Variants in STAB2 observed in about 807,000 individuals in gnomAD.
STAB2 encodes stabilin-2.
In STAB2, 288 loss-of-function variants were observed where a neutral mutation model predicts 338.1. The ratio of observed to expected loss-of-function variants is 0.85; its 90% CI spans 0.77 to 0.94. The LOEUF (loss-of-function observed/expected upper bound fraction) is 0.94, where lower values mean the gene tolerates loss of function less well. STAB2 is among the 40% of genes least tolerant of loss of function. STAB2 has a pLI of 0.00. For missense variants in STAB2, 3,141 were observed against 3,210.1 expected, an observed-to-expected ratio of 0.98 and a Z score of 0.52; for synonymous variants, 1,202 against 1,193.3, an observed-to-expected ratio of 1.01 and a Z score of -0.15.
chr12:103,666,426 C>A, intron 19 of STAB2, 73 bp downstream of exon 19: 1 of 1,482,300 alleles, frequency 6.7e-7, no homozygotes, highest in East Asian at 2.3e-5. Context: ...AACCTATCTA[C>A]CTTCCTTCTT....
intron 22 of STAB2, among the ~76,000 whole-genome samples, chr12:103,673,337 T>G (rs1020045987): frequency 1.3e-5 from 2 of 151,882 alleles, no homozygotes; most frequent in Admixed American, 1.3e-4. Flanking sequence ...AGTTCTTTTT[T>G]CTTTTTTTTT....
chr12:103,750,830 C>G (rs1322571226), intron 60 of STAB2, 110 bp downstream of exon 60: 1 of 1,393,862 alleles, frequency 7.2e-7, no homozygotes, highest in Admixed American at 2.7e-5. Context: ...GTGGCTCAAG[C>G]CTGTAATCCC....
Position 103,725,068 on chromosome 12 carries a change from T to G in STAB2, c.4777T>G (p.Phe1593Val). 6.2e-7 allele frequency: 1 copy of G among 1,613,354 alleles called. No individual in the cohort carries two copies. The highest frequency in any genetic ancestry group is 8.5e-7 in the Non-Finnish European group (1 of 1,179,324). ...TCKPNYIGDG[F>V]TCRGSIYQEL... ...CAAGCCAAACTACATTGGAGATGGATTTACCTGCCGCGGCAGCATTTATCA... is the reference window on the plus strand; with the variant it reads ...CAAGCCAAACTACATTGGAGATGGAGTTACCTGCCGCGGCAGCATTTATCA... The change falls in exon 45 of 69, where the codon TTT (phenylalanine) becomes GTT (valine). Residue 1593 changes from phenylalanine (F) to valine (V), a missense_variant. Transcript: ENST00000388887.
At chr12:103,611,622 T>C (rs1957124289) in intron 3 of STAB2, among the ~76,000 whole-genome samples, 1 of 152,236 alleles carries the variant, frequency 6.6e-6, no homozygotes, top group Non-Finnish European at 1.5e-5. Context: ...AGCACACTGA[T>C]GGGTCTTGAC....
At chr12:103,676,160 C>CT in intron 24 of STAB2, 139 bp downstream of exon 24, 1 of 529,420 alleles carries the variant, frequency 1.9e-6, no homozygotes, top group Non-Finnish European at 3.1e-6. Context: ...CTCCCGGATT[C>CT]AAGCGATTCT....
At chr12:103,702,165 A>G (rs1272120095) in intron 34 of STAB2, among the ~76,000 whole-genome samples, 1 of 150,816 alleles carries the variant, frequency 6.6e-6, no homozygotes, top group Non-Finnish European at 1.5e-5. Context: ...ATCAAAACAA[A>G]TTGCAACTCA....
intron 55 of STAB2, among the ~76,000 whole-genome samples, chr12:103,741,854 T>C (rs866627886): frequency 4.6e-5 from 7 of 152,202 alleles, no homozygotes; most frequent in African/African-American, 1.7e-4. Context: ...TGATTTTTAC[T>C]AGCATGCATA....
rs142064323 is a variant in STAB2 at position 103,727,276 on chromosome 12, G to A, written c.4861G>A (p.Val1621Met). The A allele has an allele frequency of 1.3e-5, 21 of 1,614,106 alleles. No individual in the cohort carries two copies. Among genetic ancestry groups the A allele is most frequent in the South Asian group, 5.5e-5 (5 of 91,088 alleles). The change falls in exon 47 of 69, where the codon GTG becomes ATG. Residue 1621 changes from valine to methionine, a missense_variant. Coordinates refer to ENST00000388887, the MANE Select transcript of STAB2 (RefSeq NM_017564.10). ...ACCTTTCTTCCCACAGGAGCATTTC[G>A]TGAAAGATCTGGTCGGCCCAGGCCC... is the stretch of plus-strand genomic sequence containing the variant. ...QYFFQLQEHF[V>M]KDLVGPGPFT...
intron 58 of STAB2, among the ~76,000 whole-genome samples, chr12:103,747,629 A>G (rs535362224): frequency 2.0e-5 from 3 of 152,302 alleles, no homozygotes; most frequent in South Asian, 2.1e-4. Flanking sequence ...ATGCCTAGCT[A>G]CAAGGGAACC....
chr12:103,633,997 C>T (rs1403826508), intron 6 of STAB2, among the ~76,000 whole-genome samples: 1 of 152,064 alleles, frequency 6.6e-6, no homozygotes, highest in Non-Finnish European at 1.5e-5. Context: ...CAAAGGTAAG[C>T]ATATATGATC....
At chr12:103,593,758 T>G (rs1367715766) in intron 2 of STAB2, among the ~76,000 whole-genome samples, 3 of 152,198 alleles carry the variant, frequency 2.0e-5, no homozygotes, top group Non-Finnish European at 1.5e-5. Flanking sequence ...ATACACTAAG[T>G]CTAATCCTAG....
chr12:103,673,216 A>T (rs1875984435), intron 22 of STAB2, among the ~76,000 whole-genome samples: 2 of 152,146 alleles, frequency 1.3e-5, no homozygotes. Flanking sequence ...AAGGTGAGAA[A>T]TTTCCAGGCT....
At chr12:103,755,041 T>C (rs989531473) in intron 61 of STAB2, 1 of 447,316 alleles carries the variant, frequency 2.2e-6, no homozygotes, top group Non-Finnish European at 4.0e-6. Flanking sequence ...CAGCAAATTC[T>C]TTCTCAAGAG....
In STAB2 at chr12:103,638,136, C is replaced by T; in HGVS notation, c.830C>T (p.Pro277Leu). The T allele has an allele frequency of 6.2e-7, 1 of 1,614,210 alleles. No homozygotes were observed. Among genetic ancestry groups the T allele is most frequent in the Non-Finnish European group, 8.5e-7 (1 of 1,180,042 alleles). Residue 277 changes from proline to leucine, a missense_variant, in exon 8 of 69, where the codon CCT becomes CTT. Transcript: ENST00000388887. ...GYRGDGQVCL[P>L]VDPCQINFGN... is the part of the protein sequence containing the mutation. ...CGTGGGGATGGCCAAGTGTGCTTGC[C>T]TGTGGACCCCTGCCAAATTAACTTT...
At position 103,685,183 on chromosome 12, in the gene STAB2, G is replaced by T. The variant is rs919742646; in HGVS notation, c.2997+99G>T. The T allele has an allele frequency of 3.5e-6, 4 of 1,145,576 alleles. No homozygotes were observed. The African/African-American group carries it at 6.2e-5, about 18-fold the overall frequency. 71.0% of individuals were successfully genotyped at this position (1,145,576 alleles called of 1,614,324 possible). On this transcript the variant is annotated intron_variant, in intron 27 of 68. Transcript: ENST00000388887. Reference sequence around the variant, plus strand: ...GTGATCTATTGACATATCTTTTGCTGCAGGAGATTTTACATGAAGCAAGCT... The same window carrying T: ...GTGATCTATTGACATATCTTTTGCTTCAGGAGATTTTACATGAAGCAAGCT...
intron 6 of STAB2, among the ~76,000 whole-genome samples, chr12:103,635,752 T>C (rs1957535246): frequency 6.6e-6 from 1 of 152,224 alleles, no homozygotes; most frequent in Non-Finnish European, 1.5e-5. Context: ...GAGAGGTGGC[T>C]TCTTAGCTGC....
rs746896380 is a variant in STAB2, at chr12:103,695,779, A to G, written c.3517A>G (p.Thr1173Ala). 3.5e-5 allele frequency: 56 copies of G among 1,614,200 alleles called. No homozygotes were observed. Among genetic ancestry groups the G allele is most frequent in the Non-Finnish European group, 4.6e-5 (54 of 1,180,034 alleles). Reference protein sequence around the residue: ...ANAIEAADAYTVFAPNNNAIE... With the variant: ...ANAIEAADAYAVFAPNNNAIE... ...TGCAATTGAGGCTGCCGATGCCTAC[A>G]CAGTGTTTGCTCCAAACAACAATGC... is the stretch of plus-strand genomic sequence containing the variant. Residue 1173 changes from threonine (T) to alanine (A), a missense_variant, in exon 33 of 69, where the codon ACA becomes GCA. By Grantham distance (58) the Thr-to-Ala change is moderately conservative. Coordinates refer to ENST00000388887, the MANE Select transcript of STAB2 (RefSeq NM_017564.10).
At chr12:103,721,199 CAG>C (rs1244378453) in intron 44 of STAB2, among the ~76,000 whole-genome samples, 1 of 152,174 alleles carries the variant, frequency 6.6e-6, no homozygotes, top group East Asian at 1.9e-4. Context: ...GTTGATGGAA[CAG>C]AGACTGGGTG....
chr12:103,724,587 A>G (rs1881032360), intron 44 of STAB2, among the ~76,000 whole-genome samples: 1 of 152,110 alleles, frequency 6.6e-6, no homozygotes, highest in African/African-American at 2.4e-5. Context: ...TCTATTTTGT[A>G]CCACCTGCCT....
Sources: gnomAD v4.1 joint callset for allele counts (sites outside exome capture counted in the v4.1 genomes callset) on GRCh38, gnomAD v4.1.1 for gene constraint, MANE v1.5 for transcripts, NCBI Gene and HGNC (gene_info 2026-07-23, HGNC 2026-07-21) for gene names.